Variants in STK11IP observed in about 807,000 individuals in gnomAD.
STK11IP encodes the protein serine/threonine-protein kinase 11-interacting protein.
STK11IP carries 103 observed loss-of-function variants against 131.7 expected under a neutral mutation model. That is an observed-to-expected ratio of 0.78 (90% CI 0.67 to 0.92). The LOEUF is 0.92. Among genes scored for constraint, STK11IP ranks in the 40% least tolerant of loss-of-function variants. The pLI, the probability that STK11IP is intolerant of heterozygous loss-of-function variation, is 0.00. For synonymous variants in STK11IP, 557 were observed against 575.6 expected (o/e 0.97, Z 0.46); for missense variants, 1,315 against 1,385.7 (o/e 0.95, Z 0.81).
intron 4 of STK11IP, 124 bp downstream of exon 4, chr2:219,601,839 C>T: frequency 8.0e-7 from 1 of 1,247,358 alleles, no homozygotes; most frequent in Non-Finnish European, 1.1e-6. Context: ...GCTCTGCAGT[C>T]ATGTGATATC....
chr2:219,605,996 A>G lies in STK11IP; in HGVS notation c.786A>G (p.Ala262=), dbSNP rs1393130352. ...GGAATCTGCGGCACCTGGATTTGGC[A>G]TACAACCTGCTGGAAGGACACCGGG... ...QLRNLRHLDL[A]YNLLEGHREL... The change falls in exon 9 of 25, where the codon GCA becomes GCG. Residue 262 remains alanine (A), a synonymous_variant. Transcript: ENST00000456909. The G allele has an allele frequency of 3.7e-6, 6 of 1,609,686 alleles. No homozygotes were observed. Among genetic ancestry groups the G allele is most frequent in the Non-Finnish European group, 5.1e-6 (6 of 1,178,140 alleles).
rs781318666 is a variant in STK11IP at position 219,598,099 on chromosome 2, G to GC, written c.-15dup. 3.5e-5 allele frequency: 56 copies of GC among 1,579,848 alleles called. No individual in the cohort carries two copies. The highest frequency in any genetic ancestry group is 1.2e-4 in the East Asian group (5 of 41,714). On this transcript the variant is annotated 5_prime_UTR_variant, in exon 2 of 25. Transcript: ENST00000456909. Reference sequence around the variant, plus strand: ...CTTCCTCTTTCCCCCCCCAGGCTCCGCCCCCCAGCGTCCCGTGGCCATGAC... The same window carrying GC: ...CTTCCTCTTTCCCCCCCCAGGCTCCGCCCCCCCAGCGTCCCGTGGCCATGAC...
At position 219,601,428 on chromosome 2, in the gene STK11IP, A is replaced by C. The variant is rs1193315769; in HGVS notation, c.255A>C (p.Thr85=). The C allele has an allele frequency of 6.2e-7, 1 of 1,614,036 alleles. No homozygotes were observed. Residue 85 remains threonine (T), a synonymous_variant, in exon 3 of 25, where the codon ACA becomes ACC. Coordinates refer to ENST00000456909, the MANE Select transcript of STK11IP (RefSeq NM_052902.4). ...TTCTCTTCGATGTGCTGCAGAAAAC[A>C]CTTTCACTCAAGGTTCTGGGTGTGG... ...LQFLFDVLQK[T]LSLKLVHVAG...
intron 24 of STK11IP, 61 bp downstream of exon 24, chr2:219,615,402 C>A: frequency 6.4e-7 from 1 of 1,554,254 alleles, no homozygotes; most frequent in Non-Finnish European, 8.7e-7. Context: ...AGGTTGGGGC[C>A]ATGAGGGCAG....
Position 219,614,505 on chromosome 2 carries a change from AG to A in STK11IP, c.2830del (p.Ala944LeufsTer24). The A allele has an allele frequency of 5.6e-6, 9 of 1,613,790 alleles. No homozygotes were observed. The highest frequency in any genetic ancestry group is 6.8e-6 in the Non-Finnish European group (8 of 1,179,866). ...TTGCTGGAAAAAGACTCATCCTTGG[AG>A]GCTCGCCAGTTCTTCTACCTTCGGG... is the stretch of plus-strand genomic sequence containing the variant. ...WPLLEKDSSL[E>X]ARQFFYLRAF... On this transcript the variant is annotated frameshift_variant, in exon 23 of 25. Coordinates refer to ENST00000456909, the MANE Select transcript of STK11IP (RefSeq NM_052902.4). LOFTEE classifies it high-confidence loss of function.
At chr2:219,613,254 AG>A (rs1698451286) in intron 20 of STK11IP, 29 bp downstream of exon 20, 9 of 764,216 alleles carry the variant, frequency 1.2e-5, no homozygotes, top group East Asian at 1.0e-4. Context: ...GCAGTGAGTA[AG>A]GGGGGAGATG....
At chr2:219,606,552 A>G (rs1698171048) in intron 11 of STK11IP, 35 bp downstream of exon 11, 1 of 1,611,904 alleles carries the variant, frequency 6.2e-7, no homozygotes, top group South Asian at 1.1e-5. Flanking sequence ...CTGTTGGGGG[A>G]AGACACGAAG....
In STK11IP at chr2:219,615,225, C is replaced by G. The variant is rs1373448855; in HGVS notation, c.3001C>G (p.Pro1001Ala). The change falls in exon 24 of 25, where the codon CCC becomes GCC. Residue 1001 changes from proline (P) to alanine (A), a missense_variant. Pro to Ala is a conservative substitution (Grantham distance 27). Transcript: ENST00000456909. ...TGGCGAAGCCTCTGAGAAGGTGCCT[C>G]CCTCGGGGCCGGGCCCTGCTGTGCG... The part of the protein sequence containing the change: ...ASGEASEKVP[P>A]SGPGPAVRVR... 2 of 1,594,740 alleles carry G rather than the reference C, an allele frequency of 1.3e-6. No homozygotes were observed. The highest frequency in any genetic ancestry group is 1.7e-6 in the Non-Finnish European group (2 of 1,175,146).
intron 24 of STK11IP, 117 bp downstream of exon 24, chr2:219,615,458 CACTT>C: frequency 7.3e-7 from 1 of 1,362,700 alleles, no homozygotes; most frequent in Non-Finnish European, 9.9e-7. Context: ...GGCAGGATGG[CACTT>C]ACAGATGAGA....
intron 19 of STK11IP, among the ~76,000 whole-genome samples, chr2:219,612,754 G>A (rs930935128): frequency 2.0e-5 from 3 of 152,220 alleles, no homozygotes; most frequent in African/African-American, 4.8e-5. Flanking sequence ...GCAGGGGCCA[G>A]GTCAGGAGCT....
At position 219,606,532 on chromosome 2, in the gene STK11IP, G is replaced by T. The variant is rs1559180302; in HGVS notation, c.987+15G>T. The T allele has an allele frequency of 6.2e-7, 1 of 1,612,858 alleles. No individual in the cohort carries two copies. Among genetic ancestry groups the T allele is most frequent in the Non-Finnish European group, 8.5e-7 (1 of 1,179,424 alleles). ...CAGATTTTCAGGTCGGTGTGGTTGGGGGGCGAGGACTGTTGGGGGAAGACA... is the reference window on the plus strand; with the variant it reads ...CAGATTTTCAGGTCGGTGTGGTTGGTGGGCGAGGACTGTTGGGGGAAGACA... On this transcript the variant is annotated intron_variant, in intron 11 of 24. Coordinates refer to ENST00000456909, the MANE Select transcript of STK11IP (RefSeq NM_052902.4).
Position 219,605,908 on chromosome 2 carries a change from G to A in STK11IP, c.746-48G>A, listed in dbSNP as rs776542618. On this transcript the variant is annotated intron_variant, in intron 8 of 24. Coordinates refer to ENST00000456909, the MANE Select transcript of STK11IP (RefSeq NM_052902.4). ...CCCAGTGCATGCACCACACTCACTT[G>A]CGTGTACTCATCCACATGCTCTTCC... The A allele has an allele frequency of 1.8e-5, 27 of 1,522,394 alleles. No homozygotes were observed. The South Asian group carries it at 3.2e-4, about 18-fold the overall frequency. The allele number at this position is 1,522,394 out of a possible 1,614,324, so 94.3% of individuals were successfully genotyped here.
chr2:219,601,963 C>G lies in STK11IP; in HGVS notation c.343-25C>G, dbSNP rs777524170. The G allele has an allele frequency of 1.9e-6, 3 of 1,587,430 alleles. No individual in the cohort carries two copies. The Admixed American group carries it at 5.2e-5, about 28-fold the overall frequency. ...TTTGTCTTCTGTGGGGTTCTGCCTTCCTCCCTCCTCTTTCCTTGTCCCAGC... is the reference window on the plus strand; with the variant it reads ...TTTGTCTTCTGTGGGGTTCTGCCTTGCTCCCTCCTCTTTCCTTGTCCCAGC... On this transcript the variant is annotated intron_variant, in intron 4 of 24. Coordinates refer to ENST00000456909, the MANE Select transcript of STK11IP (RefSeq NM_052902.4).
At chr2:219,612,492 A>G (rs983970919) in intron 19 of STK11IP, among the ~76,000 whole-genome samples, 1 of 152,262 alleles carries the variant, frequency 6.6e-6, no homozygotes, top group Admixed American at 6.5e-5. Context: ...CAAATGCTGT[A>G]ATCGGGCTAA....
chr2:219,611,703 C>G lies in STK11IP; in HGVS notation c.2204C>G (p.Ser735Cys). Residue 735 changes from serine (S) to cysteine (C), a missense_variant, in exon 18 of 25, where the codon TCT (serine) becomes TGT (cysteine). By Grantham distance (112) the Ser-to-Cys change is moderately radical. Coordinates refer to ENST00000456909, the MANE Select transcript of STK11IP (RefSeq NM_052902.4). ...AGGGAGCGGAAACAGGGAGAGCAGT[C>G]TCTGGCTCCTTCTCCGTCTGCCAGC... ...PNRERKQGEQ[S>C]LAPSPSASPV... is the part of the protein sequence containing the mutation. 6.2e-7 allele frequency: 1 copy of G among 1,613,128 alleles called. No homozygotes were observed. Among genetic ancestry groups the G allele is most frequent in the Non-Finnish European group, 8.5e-7 (1 of 1,179,882 alleles).
chr2:219,605,909 C>G (rs373372058), intron 8 of STK11IP, 47 bp from the exon 9 acceptor site: 2 of 1,515,740 alleles, frequency 1.3e-6, no homozygotes, highest in South Asian at 1.2e-5. Flanking sequence ...CACTCACTTG[C>G]GTGTACTCAT....
At chr2:219,600,555 G>A (rs1459103547) in intron 2 of STK11IP, among the ~76,000 whole-genome samples, 2 of 152,172 alleles carry the variant, frequency 1.3e-5, no homozygotes, top group Non-Finnish European at 2.9e-5. Context: ...ATTCCTTCAT[G>A]CCTAGCTTGT....
chr2:219,606,159 C>T lies in STK11IP; in HGVS notation c.850-36C>T, dbSNP rs761146527. On this transcript the variant is annotated intron_variant, in intron 9 of 24. Coordinates refer to ENST00000456909, the MANE Select transcript of STK11IP (RefSeq NM_052902.4). ...TCTTCACACAGGGAGGGCCAGGGCC[C>T]CAGGCCCTCCTCATTCTCCCCTTCC... 74 of 1,544,922 alleles carry T rather than the reference C, an allele frequency of 4.8e-5. 1 individual carries two copies. The Admixed American group carries it at 1.2e-3, about 25-fold the overall frequency.
At position 219,608,329 on chromosome 2, in the gene STK11IP, A is replaced by G; in HGVS notation, c.1502A>G (p.Lys501Arg). The change falls in exon 14 of 25, where the codon AAG becomes AGG. Residue 501 changes from lysine to arginine, a missense_variant. Transcript: ENST00000456909. Reference protein sequence around the residue: ...RAEPQEEEEEKEGKEEKEEGE... With the variant: ...RAEPQEEEEEREGKEEKEEGE... ...GAGCCACAGGAGGAGGAAGAGGAGA[A>G]GGAGGGGAAGGAGGAGAAGGAGGAG... 1 of 1,595,922 alleles carries G rather than the reference A, an allele frequency of 6.3e-7. No homozygotes were observed.
Sources: gnomAD v4.1 joint callset for allele counts (sites outside exome capture counted in the v4.1 genomes callset) on GRCh38, gnomAD v4.1.1 for gene constraint, MANE v1.5 for transcripts, NCBI Gene and HGNC (gene_info 2026-07-23, HGNC 2026-07-21) for gene names.